Variants in TENM1 observed in about 807,000 individuals in gnomAD.
TENM1 encodes the protein teneurin-1.
Under a neutral mutation model 174.8 loss-of-function variants are expected in TENM1, and 35 were observed. The observed-to-expected ratio is 0.20, with a 90% CI of 0.15 to 0.27. The LOEUF is 0.27. TENM1 is among the 10% of genes least tolerant of loss of function. TENM1 has a pLI of 1.00. For missense variants in TENM1, 1,633 were observed against 2,130.1 expected (o/e 0.77, Z 4.59); for synonymous variants, 781 against 798.7 (o/e 0.98, Z 0.37).
At chrX:124,926,619 T>C (rs1486298011) in intron 1 of TENM1, among the ~76,000 whole-genome samples, 1 of 111,775 alleles carries the variant, frequency 8.9e-6, no homozygotes. Context: ...ATAATAGGTG[T>C]TCAATTAATG....
chrX:125,163,615 T>A, the TENM1 span, among the ~76,000 whole-genome samples: 1 of 111,512 alleles, frequency 9.0e-6, no homozygotes, highest in East Asian at 2.8e-4. Context: ...AAACACACTG[T>A]TTCTCTTCAG....
chrX:124,903,541 GATGTGGGAATAAGCAA>G (rs760961088), intron 1 of TENM1, among the ~76,000 whole-genome samples: 78 of 112,194 alleles, frequency 7.0e-4, no homozygotes, highest in African/African-American at 2.5e-3. Flanking sequence ...AAGAAAATTT[GATGTGGGAATAAGCAA>G]ATGCTAACTA....
chrX:124,752,502 T>C (rs1260309678), intron 3 of TENM1, among the ~76,000 whole-genome samples: 9 of 111,846 alleles, frequency 8.0e-5, no homozygotes, highest in African/African-American at 2.9e-4. Context: ...TTTAATGAGA[T>C]CCCATTTGTC....
chrX:124,572,133 C>T (rs1239798643), intron 11 of TENM1, among the ~76,000 whole-genome samples: 1 of 110,008 alleles, frequency 9.1e-6, no homozygotes, highest in Non-Finnish European at 1.9e-5. Flanking sequence ...ATAAACATGG[C>T]TGCAAAAATC....
At chrX:124,471,276 A>ATATAATATATAT (rs1556644308) in intron 22 of TENM1, among the ~76,000 whole-genome samples, 1 of 45,060 alleles carries the variant, frequency 2.2e-5, no homozygotes. Context: ...ATAGTACTAT[A>ATATAATATATAT]TATAATATAT....
the TENM1 span, among the ~76,000 whole-genome samples, chrX:125,065,683 C>T: frequency 1.3e-4 from 15 of 112,267 alleles, no homozygotes; most frequent in Admixed American, 1.1e-3. Flanking sequence ...TTTAATTCCA[C>T]TTTCCATAAA....
the TENM1 span, among the ~76,000 whole-genome samples, chrX:125,000,067 A>G: frequency 2.7e-5 from 3 of 111,822 alleles, no homozygotes; most frequent in Admixed American, 2.9e-4. Flanking sequence ...TTCTTTAATT[A>G]AAGTAAATAC....
chrX:124,894,238 G>T, intron 3 of TENM1, 58 bp downstream of exon 6: 1 of 960,452 alleles, frequency 1.0e-6, no homozygotes, highest in Non-Finnish European at 1.5e-6. Context: ...TGGGGGTAGG[G>T]TGCCAGGGAT....
At chrX:125,122,868 A>G in the TENM1 span, among the ~76,000 whole-genome samples, 1 of 111,482 alleles carries the variant, frequency 9.0e-6, no homozygotes, top group Admixed American at 9.6e-5. Context: ...TCTAGGGTTA[A>G]GTTTTTTCTG....
chrX:124,505,612 A>G (rs2047430085), intron 18 of TENM1, among the ~76,000 whole-genome samples: 1 of 111,324 alleles, frequency 9.0e-6, no homozygotes, highest in African/African-American at 3.3e-5. Flanking sequence ...GTTATTCTCC[A>G]TTTCTGGAGT....
intron 14 of TENM1, among the ~76,000 whole-genome samples, chrX:124,554,383 C>T (rs1023476979): frequency 7.2e-5 from 8 of 111,421 alleles, no homozygotes; most frequent in African/African-American, 2.3e-4. Flanking sequence ...ATGTGATGGG[C>T]CCAGTCATAC....
the TENM1 span, among the ~76,000 whole-genome samples, chrX:125,101,261 C>A: frequency 1.8e-5 from 2 of 111,774 alleles, no homozygotes; most frequent in Non-Finnish European, 1.9e-5. Flanking sequence ...AACAGAGAGT[C>A]TAACATTTCT....
intron 3 of TENM1, among the ~76,000 whole-genome samples, chrX:124,792,941 A>G (rs942538812): frequency 2.7e-5 from 3 of 112,215 alleles, no homozygotes; most frequent in Non-Finnish European, 5.6e-5. Context: ...GGGCCCTAAC[A>G]TATGGCTAAG....
In TENM1 at chrX:124,392,096, T is replaced by C. The variant is rs561697637; in HGVS notation, c.5644A>G (p.Thr1882Ala). Reference sequence around the variant, plus strand: ...CTCCAAATTTTCCCATCAGCCCAAGTTCTTGAAATAATTTTCCCACTCTGG... The same window carrying C: ...CTCCAAATTTTCCCATCAGCCCAAGCTCTTGAAATAATTTTCCCACTCTGG... The change falls in exon 28 of 32, where the codon ACT (threonine) becomes GCT (alanine). Residue 1882 changes from threonine (T) to alanine (A), a missense_variant. Coordinates refer to ENST00000422452, the Ensembl canonical transcript of TENM1. 4 of 1,210,755 alleles carry C rather than the reference T, an allele frequency of 3.3e-6. No individual in the cohort carries two copies. The South Asian group carries it at 7.0e-5, about 21-fold the overall frequency.
intron 22 of TENM1, among the ~76,000 whole-genome samples, chrX:124,471,256 A>AG (rs2061307945): frequency 3.3e-5 from 2 of 60,987 alleles, no homozygotes; most frequent in African/African-American, 1.5e-4. Context: ...AATAATATAT[A>AG]TTATAATATA....
chrX:124,888,752 A>G (rs1279515221), intron 3 of TENM1, among the ~76,000 whole-genome samples: 1 of 112,024 alleles, frequency 8.9e-6, no homozygotes, highest in Non-Finnish European at 1.9e-5. Context: ...AACAACCACA[A>G]CTGACATTTA....
chrX:124,502,822 T>C (rs1361565322), intron 19 of TENM1, among the ~76,000 whole-genome samples: 1 of 112,254 alleles, frequency 8.9e-6, no homozygotes, highest in Non-Finnish European at 1.9e-5. Flanking sequence ...TCTGGTTAGC[T>C]TTGCCATTCA....
chrX:124,802,659 C>T (rs1187270992), intron 3 of TENM1, among the ~76,000 whole-genome samples: 2 of 111,730 alleles, frequency 1.8e-5, no homozygotes, highest in African/African-American at 3.3e-5. Context: ...CTGGATACCT[C>T]GGTTGCCATT....
rs1603260065 is a variant in TENM1, at chrX:124,420,301, A to C, written c.4982+10T>G. ...CCTAACAAAGCCCATGTCAAGAATT[A>C]GAAACTTACTCATAAACGGTTGTCC... On this transcript the variant is annotated intron_variant, in intron 25 of 31. Coordinates refer to ENST00000422452, the Ensembl canonical transcript of TENM1. The C allele has an allele frequency of 8.4e-7, 1 of 1,188,533 alleles. No homozygotes were observed.
Sources: allele counts gnomAD v4.1 joint callset (sites outside exome capture counted in the v4.1 genomes callset), GRCh38; gene constraint gnomAD v4.1.1; transcripts MANE v1.5; gene names NCBI Gene and HGNC (gene_info 2026-07-23, HGNC 2026-07-21).